Variants in C10orf90 observed in about 807,000 individuals in gnomAD.
C10orf90 encodes the protein chromosome 10 open reading frame 90, also known as (E2-independent) E3 ubiquitin-conjugating enzyme FATS.
A neutral mutation model predicts 62.5 loss-of-function variants in C10orf90; 56 were observed. The observed-to-expected ratio is 0.90, with a 90% CI of 0.72 to 1.12. The LOEUF (loss-of-function observed/expected upper bound fraction) is 1.12, where lower values mean the gene tolerates loss of function less well. Ranked by LOEUF, C10orf90 falls within the 50% of genes most tolerant of loss-of-function variation. C10orf90 has a pLI of 0.00. For missense variants in C10orf90, 970 were observed against 880.4 expected (o/e 1.10, Z -1.29); for synonymous variants, 386 against 340.4 (o/e 1.13, Z -1.47).
chr10:126,476,385 GGA>G lies in C10orf90; in HGVS notation c.1535-11401_1535-11400del, dbSNP rs761283053. 2.2e-4 allele frequency among the ~76,000 whole-genome samples: 34 copies of G among 152,310 alleles called. 1 individual carries two copies. The South Asian group carries it at 4.8e-3, about 21-fold the overall frequency. On this transcript the variant is annotated intron_variant, in intron 4 of 9. Transcript: ENST00000488181. ...AGAACTATTTTTGACAATCAGAATT[GGA>G]GACAGTCCCTAGGGCCTCTGAAGAG...
chr10:126,649,650 T>C (rs977955720), intron 1 of C10orf90, among the ~76,000 whole-genome samples: 2 of 152,200 alleles, frequency 1.3e-5, no homozygotes, highest in Non-Finnish European at 2.9e-5. Context: ...TTCTTTTTCC[T>C]TCAGAGCACT....
intron 2 of C10orf90, among the ~76,000 whole-genome samples, chr10:126,575,441 G>C (rs940475042): frequency 6.6e-6 from 1 of 151,704 alleles, no homozygotes; most frequent in African/African-American, 2.4e-5. Context: ...CAAACAAATG[G>C]AAAGACACCC....
chr10:126,586,818 C>A (rs889681298), intron 2 of C10orf90, among the ~76,000 whole-genome samples: 3 of 152,172 alleles, frequency 2.0e-5, no homozygotes, highest in African/African-American at 7.2e-5. Flanking sequence ...CTATCCACCA[C>A]AGGCGCTGCT....
At chr10:126,632,418 A>G (rs1414557701) in intron 2 of C10orf90, among the ~76,000 whole-genome samples, 1 of 151,870 alleles carries the variant, frequency 6.6e-6, no homozygotes, top group Non-Finnish European at 1.5e-5. Context: ...AGCAATTCAG[A>G]AACCCCATAA....
chr10:126,612,107 A>G (rs1030002962), intron 2 of C10orf90, among the ~76,000 whole-genome samples: 2 of 152,200 alleles, frequency 1.3e-5, no homozygotes, highest in Non-Finnish European at 2.9e-5. Context: ...GATCACTTGA[A>G]GTCAGGAGTT....
At chr10:126,625,750 T>C (rs562604116) in intron 2 of C10orf90, among the ~76,000 whole-genome samples, 1 of 152,334 alleles carries the variant, frequency 6.6e-6, no homozygotes, top group African/African-American at 2.4e-5. Flanking sequence ...ATGTCATTCA[T>C]TGGAATTTTT....
intron 2 of C10orf90, among the ~76,000 whole-genome samples, chr10:126,531,400 C>G (rs1221204138): frequency 6.6e-6 from 1 of 151,974 alleles, no homozygotes; most frequent in Non-Finnish European, 1.5e-5. Flanking sequence ...CGGGACAGCC[C>G]CATGACAAAG....
intron 4 of C10orf90, among the ~76,000 whole-genome samples, chr10:126,467,767 C>A (rs556830878): frequency 7.9e-5 from 12 of 152,292 alleles, no homozygotes; most frequent in African/African-American, 1.7e-4. Flanking sequence ...GTGAAAAAAA[C>A]CAACCAAAAT....
intron 2 of C10orf90, among the ~76,000 whole-genome samples, chr10:126,603,900 C>T (rs936417811): frequency 6.6e-6 from 1 of 152,180 alleles, no homozygotes; most frequent in African/African-American, 2.4e-5. Flanking sequence ...TCAAGGCCAG[C>T]TTGACAGGAG....
At chr10:126,486,594 T>G (rs546533154) in intron 4 of C10orf90, among the ~76,000 whole-genome samples, 1 of 152,134 alleles carries the variant, frequency 6.6e-6, no homozygotes, top group African/African-American at 2.4e-5. Flanking sequence ...TTTAAAGGCA[T>G]AAAATAATTA....
At chr10:126,490,423 G>C (rs953108809) in intron 4 of C10orf90, among the ~76,000 whole-genome samples, 1 of 151,502 alleles carries the variant, frequency 6.6e-6, no homozygotes, top group Non-Finnish European at 1.5e-5. Flanking sequence ...TGTTTAATGG[G>C]GAGTTAGTGT....
intron 1 of C10orf90, among the ~76,000 whole-genome samples, chr10:126,649,061 TCTCTCTCTCTC>T (rs1846233760): frequency 3.3e-5 from 1 of 30,438 alleles, no homozygotes; most frequent in African/African-American, 1.3e-4. Context: ...TCTCTCTCTC[TCTCTCTCTCTC>T]CCCCCCCCCC....
At chr10:126,564,183 G>A (rs905600085) in intron 2 of C10orf90, among the ~76,000 whole-genome samples, 24 of 152,076 alleles carry the variant, frequency 1.6e-4, no homozygotes, top group African/African-American at 3.6e-4. Flanking sequence ...GAAGAAATCC[G>A]GAGAAGCATA....
rs534994105 is a variant in C10orf90, at chr10:126,512,959, G to A, written c.405+889C>T. On this transcript the variant is annotated intron_variant, in intron 3 of 9. Transcript: ENST00000488181. Reference sequence around the variant, plus strand: ...AATCAAAGTAATACCTAACACAAGCGTTTTGGGTAAAAAAATATTTTAACA... The same window carrying A: ...AATCAAAGTAATACCTAACACAAGCATTTTGGGTAAAAAAATATTTTAACA... Among the ~76,000 whole-genome samples, 8 of 152,190 alleles carry A rather than the reference G, an allele frequency of 5.3e-5. 1 individual carries two copies. Among genetic ancestry groups the A allele is most frequent in the Admixed American group, 3.3e-4 (5 of 15,288 alleles).
rs1859557878 is a variant in C10orf90 at position 126,456,146 on chromosome 10, T to C, written c.2188+2894A>G. ...GTAAGAAAAACATCTGCATTTTGCT[T>C]TTATCATCTTGCCAGCAGACAGGCT... On this transcript the variant is annotated intron_variant, in intron 7 of 9. Transcript: ENST00000488181. The surrounding 1 kb of genome is among the most constrained non-coding windows in gnomAD (Gnocchi z 4.9). 6.6e-6 allele frequency among the ~76,000 whole-genome samples: 1 copy of C among 152,218 alleles called. No homozygotes were observed. Among genetic ancestry groups the C allele is most frequent in the African/African-American group, 2.4e-5 (1 of 41,460 alleles).
At chr10:126,442,141 A>T (rs1420282601) in intron 7 of C10orf90, among the ~76,000 whole-genome samples, 2 of 151,988 alleles carry the variant, frequency 1.3e-5, no homozygotes, top group Non-Finnish European at 2.9e-5. Context: ...CCAGCCAACC[A>T]TCTGCTGCCT....
intron 4 of C10orf90, 112 bp from the exon 5 acceptor site, chr10:126,465,098 A>G: frequency 1.8e-6 from 2 of 1,126,808 alleles, no homozygotes; most frequent in Non-Finnish European, 2.5e-6. Flanking sequence ...GGAGTACAGC[A>G]CTGCAAGTTC....
At chr10:126,501,056 T>C (rs1444925343) in intron 4 of C10orf90, among the ~76,000 whole-genome samples, 1 of 152,208 alleles carries the variant, frequency 6.6e-6, no homozygotes, top group Non-Finnish European at 1.5e-5. Flanking sequence ...GCTAATAGCA[T>C]GTGTAACCAC....
At chr10:126,586,147 C>T (rs929425438) in intron 2 of C10orf90, among the ~76,000 whole-genome samples, 1 of 152,174 alleles carries the variant, frequency 6.6e-6, no homozygotes, top group African/African-American at 2.4e-5. Flanking sequence ...AATAGCCAGC[C>T]TTAATTATTC....
Sources: gnomAD v4.1 joint callset for allele counts (sites outside exome capture counted in the v4.1 genomes callset) on GRCh38, gnomAD v4.1.1 for gene constraint, Gnocchi (gnomAD v3.1) non-coding constraint, MANE v1.5 for transcripts, NCBI Gene and HGNC (gene_info 2026-07-23, HGNC 2026-07-21) for gene names.